Variants in PPP1R42 observed in about 807,000 individuals in gnomAD.
PPP1R42 encodes protein phosphatase 1 regulatory subunit 42, also known as leucine rich repeat containing 67.
A neutral mutation model predicts 31.0 loss-of-function variants in PPP1R42; 34 were observed. The observed-to-expected ratio is 1.10, with a 90% CI of 0.83 to 1.46. The LOEUF (loss-of-function observed/expected upper bound fraction) is 1.46. Among genes scored for constraint, PPP1R42 ranks in the 40% most tolerant of loss-of-function variants. The pLI, the probability that PPP1R42 is intolerant of heterozygous loss-of-function variation, is 0.00. For missense variants in PPP1R42, 268 were observed against 303.0 expected (o/e 0.88, Z 0.86); for synonymous variants, 103 against 109.8 (o/e 0.94, Z 0.39).
At chr8:67,022,462 TTC>T (rs1467175145) in intron 1 of PPP1R42, among the ~76,000 whole-genome samples, 22 of 152,224 alleles carry the variant, frequency 1.4e-4, no homozygotes, top group Admixed American at 1.1e-3. Context: ...AGCTTGTCTT[TTC>T]TCTTTTTCAC....
rs971947284 is a variant in PPP1R42 at position 67,028,554 on chromosome 8, C to T, written c.-148G>A. The T allele has an allele frequency of 2.0e-6, 2 of 985,526 alleles. No homozygotes were observed. Among genetic ancestry groups the T allele is most frequent in the Non-Finnish European group, 2.4e-6 (2 of 829,978 alleles). 61.0% of individuals were successfully genotyped at this position (985,526 alleles called of 1,614,324 possible). On this transcript the variant is annotated 5_prime_UTR_variant, in exon 1 of 8. Transcript: ENST00000685739. The stretch of plus-strand genomic sequence containing the variant: ...CGGTTTCATCGGCGCCGGGTCCCTA[C>T]GCAGACCAGCGGCGGTTGCTGGGCG...
intron 7 of PPP1R42, among the ~76,000 whole-genome samples, chr8:66,977,969 G>A (rs1013972840): frequency 1.4e-4 from 22 of 152,074 alleles, no homozygotes; most frequent in Admixed American, 5.9e-4. Context: ...AGTTTTTTGA[G>A]GAACCTCCAT....
intron 7 of PPP1R42, among the ~76,000 whole-genome samples, chr8:66,974,336 C>G (rs1226843549): frequency 6.6e-6 from 1 of 152,164 alleles, no homozygotes; most frequent in African/African-American, 2.4e-5. Context: ...AGGTGGATCA[C>G]TTGAGTTCAG....
chr8:66,982,902 G>A (rs923630961), intron 6 of PPP1R42, among the ~76,000 whole-genome samples: 10 of 151,516 alleles, frequency 6.6e-5, no homozygotes, highest in South Asian at 2.1e-4. Flanking sequence ...TTAACCTCCC[G>A]AGTAGCTAGA....
chr8:67,026,339 A>C (rs572388021), intron 1 of PPP1R42, among the ~76,000 whole-genome samples: 2 of 122,546 alleles, frequency 1.6e-5, no homozygotes, highest in East Asian at 2.0e-4. Context: ...ACTCCATCTC[A>C]AAAAAAAAAA....
Position 67,025,549 on chromosome 8 carries a change from T to C in PPP1R42, c.-85+2942A>G, listed in dbSNP as rs1816368291. On this transcript the variant is annotated intron_variant, in intron 1 of 7. Coordinates refer to ENST00000685739, the MANE Select transcript of PPP1R42 (RefSeq NM_001364910.1). Reference sequence around the variant, plus strand: ...CTTACCTCTTCCATCTTAGGGTTTTTTTTTTTTTTGTGGCTGAGCCTAAGA... The same window carrying C: ...CTTACCTCTTCCATCTTAGGGTTTTCTTTTTTTTTGTGGCTGAGCCTAAGA... 2.6e-5 allele frequency among the ~76,000 whole-genome samples: 4 copies of C among 151,894 alleles called. No individual in the cohort carries two copies. In the South Asian group the frequency reaches 8.3e-4, roughly 31 times the overall value.
chr8:67,018,420 T>C (rs1816085501), intron 1 of PPP1R42, among the ~76,000 whole-genome samples: 1 of 151,830 alleles, frequency 6.6e-6, no homozygotes, highest in Admixed American at 6.6e-5. Flanking sequence ...GCCCGACCTC[T>C]TTTTTCTTTT....
Position 66,994,786 on chromosome 8 carries a change from T to C in PPP1R42, c.553-6269A>G, listed in dbSNP as rs1048938176. 2.0e-5 allele frequency among the ~76,000 whole-genome samples: 3 copies of C among 152,232 alleles called. No individual in the cohort carries two copies. In the East Asian group the frequency reaches 5.8e-4, roughly 29 times the overall value. On this transcript the variant is annotated intron_variant, in intron 5 of 7. Coordinates refer to ENST00000685739, the MANE Select transcript of PPP1R42 (RefSeq NM_001364910.1). ...GGTTCCTTTTAAAAACATTTGAATATTAATTTTAAATTTTGAATATTTACT... is the reference window on the plus strand; with the variant it reads ...GGTTCCTTTTAAAAACATTTGAATACTAATTTTAAATTTTGAATATTTACT...
chr8:66,986,306 G>A (rs534680302), intron 6 of PPP1R42: 40 of 514,668 alleles, frequency 7.8e-5, no homozygotes, highest in African/African-American at 6.4e-4. Flanking sequence ...ATCAACGACT[G>A]TGAAAGGATC....
intron 5 of PPP1R42, among the ~76,000 whole-genome samples, chr8:66,999,538 G>A (rs1275202594): frequency 6.6e-6 from 1 of 152,102 alleles, no homozygotes; most frequent in East Asian, 1.9e-4. Flanking sequence ...TTGTAGAGAT[G>A]GGGTCTCCCC....
At chr8:66,972,485 G>A (rs1814563712) in intron 7 of PPP1R42, among the ~76,000 whole-genome samples, 1 of 152,102 alleles carries the variant, frequency 6.6e-6, no homozygotes, top group Non-Finnish European at 1.5e-5. Flanking sequence ...TGCCTCCCGG[G>A]TTCAAGTGAT....
At chr8:66,975,833 A>G (rs1293887876) in intron 7 of PPP1R42, among the ~76,000 whole-genome samples, 5 of 152,156 alleles carry the variant, frequency 3.3e-5, no homozygotes, top group Non-Finnish European at 5.9e-5. Flanking sequence ...AAATTAGCAT[A>G]TACATCATCT....
intron 6 of PPP1R42, among the ~76,000 whole-genome samples, chr8:66,987,287 C>CTTTTTTTTTTT (rs71249412): frequency 9.4e-6 from 1 of 106,008 alleles, no homozygotes; most frequent in African/African-American, 3.8e-5. Flanking sequence ...AGCAAATGAT[C>CTTTTTTTTTTT]TTTTTTTTTT....
In PPP1R42 at chr8:67,013,328, C is replaced by T. The variant is rs140675007; in HGVS notation, c.297-232G>A. ...TTTTTTTGCTTTTTAAAAAAGTGAG[C>T]GAATTGCAACATACAATTCATATGT... is the stretch of plus-strand genomic sequence containing the variant. On this transcript the variant is annotated intron_variant, in intron 3 of 7. Coordinates refer to ENST00000685739, the MANE Select transcript of PPP1R42 (RefSeq NM_001364910.1). Among the ~76,000 whole-genome samples, 402 of 151,262 alleles carry T rather than the reference C, an allele frequency of 2.7e-3. 2 individuals carry two copies. The highest frequency in any genetic ancestry group is 7.3e-3 in the South Asian group (35 of 4,784).
intron 7 of PPP1R42, among the ~76,000 whole-genome samples, chr8:66,965,930 A>T (rs1285874488): frequency 2.0e-5 from 3 of 152,034 alleles, no homozygotes; most frequent in Non-Finnish European, 4.4e-5. Flanking sequence ...CTCTCAAAAG[A>T]TAAATACATA....
chr8:67,013,526 CTAAATAAATAAATAAA>C (rs57947189), intron 3 of PPP1R42, among the ~76,000 whole-genome samples: 159 of 146,236 alleles, frequency 1.1e-3, no homozygotes, highest in Non-Finnish European at 1.4e-3. Context: ...GATCCCATCT[CTAAATAAATAAATAAA>C]TAAATAAATA....
intron 7 of PPP1R42, among the ~76,000 whole-genome samples, chr8:66,975,750 G>A (rs559024541): frequency 1.7e-3 from 263 of 152,076 alleles, no homozygotes; most frequent in African/African-American, 6.1e-3. Context: ...ATTTAGTTGA[G>A]ACATAATTGT....
At chr8:66,988,313 T>A (rs1815087885) in intron 6 of PPP1R42, 87 bp downstream of exon 6, 1 of 1,285,966 alleles carries the variant, frequency 7.8e-7, no homozygotes, top group Admixed American at 3.9e-5. Flanking sequence ...GATGTCAGAT[T>A]TATATTTCTG....
At chr8:66,969,073 G>A (rs761242430) in intron 7 of PPP1R42, among the ~76,000 whole-genome samples, 40 of 152,104 alleles carry the variant, frequency 2.6e-4, no homozygotes, top group Non-Finnish European at 4.4e-4. Context: ...TTTAGTGTTC[G>A]TAGTTAGGAA....
Sources: gnomAD v4.1 joint callset for allele counts (sites outside exome capture counted in the v4.1 genomes callset) on GRCh38, gnomAD v4.1.1 for gene constraint, MANE v1.5 for transcripts, NCBI Gene and HGNC (gene_info 2026-07-23, HGNC 2026-07-21) for gene names.